PKM: variants seen among roughly 807,000 people sequenced by gnomAD.
The protein encoded by PKM is pyruvate kinase M1/2.
PKM carries 18 observed loss-of-function variants against 49.8 expected under a neutral mutation model. The observed-to-expected ratio is 0.36, with a 90% CI of 0.25 to 0.54. The LOEUF (loss-of-function observed/expected upper bound fraction) is 0.54. Among genes scored for constraint, PKM ranks in the 20% least tolerant of loss-of-function variants. PKM has a pLI of 0.89. For synonymous variants in PKM, 239 were observed against 261.8 expected (o/e 0.91, Z 0.84); for missense variants, 508 against 713.8 (o/e 0.71, Z 3.28).
chr15:72,219,876 C>T (rs1486486393), intron 1 of PKM, among the ~76,000 whole-genome samples: 5 of 152,218 alleles, frequency 3.3e-5, no homozygotes, highest in Non-Finnish European at 5.9e-5. Flanking sequence ...ATTTTTGATA[C>T]ACATCCTGAT....
chr15:72,208,852 G>A lies in PKM; in HGVS notation c.605C>T (p.Ser202Phe), dbSNP rs141732747. ...GTTCACACCCTTCTTGCTGCCCAAG[G>A]AGCCACCATTTTCCACCTCCGTCAC... ...FLVTEVENGG[S>F]LGSKKGVNLP... Residue 202 changes from serine to phenylalanine, a missense_variant, in exon 6 of 11, where the codon TCC (serine) becomes TTC (phenylalanine). Transcript: ENST00000335181. 1.2e-6 allele frequency: 2 copies of A among 1,613,922 alleles called. No homozygotes were observed. Among genetic ancestry groups the A allele is most frequent in the African/African-American group, 2.7e-5 (2 of 74,852 alleles).
chr15:72,206,925 T>C (rs1356084324), intron 7 of PKM, 45 bp from the exon 8 acceptor site: 5 of 1,608,664 alleles, frequency 3.1e-6, no homozygotes, highest in Middle Eastern at 1.7e-4. Context: ...TGAGCTGTCT[T>C]CAGAGACAAA....
Position 72,200,789 on chromosome 15 carries a change from G to A in PKM, c.1308-134C>T. 1 of 723,442 alleles carries A rather than the reference G, an allele frequency of 1.4e-6. No homozygotes were observed. The highest frequency in any genetic ancestry group is 2.3e-6 in the Non-Finnish European group (1 of 442,644). The allele number at this position is 723,442 out of a possible 1,614,324, so 44.8% of individuals were successfully genotyped here. On this transcript the variant is annotated intron_variant, in intron 9 of 10. Coordinates refer to ENST00000335181, the MANE Select transcript of PKM (RefSeq NM_002654.6). The surrounding 1 kb of genome is among the most constrained non-coding windows in gnomAD (Gnocchi z 4.6). Reference sequence around the variant, plus strand: ...GGCCTCTTCAACATCTGCTCCCTAGGACCCCTCCCGAGGCTCGGGCAGCCC... The same window carrying A: ...GGCCTCTTCAACATCTGCTCCCTAGAACCCCTCCCGAGGCTCGGGCAGCCC...
intron 6 of PKM, among the ~76,000 whole-genome samples, chr15:72,207,755 C>T (rs1239686185): frequency 1.3e-5 from 2 of 152,256 alleles, no homozygotes; most frequent in Non-Finnish European, 2.9e-5. Flanking sequence ...GGGAATGTGG[C>T]TTTGCCTGGC....
intron 3 of PKM, among the ~76,000 whole-genome samples, chr15:72,212,863 A>G (rs538737299): frequency 2.0e-5 from 3 of 152,270 alleles, no homozygotes; most frequent in South Asian, 4.1e-4. Context: ...CAAGGTCAGG[A>G]GATCGAGACC....
intron 1 of PKM, among the ~76,000 whole-genome samples, chr15:72,223,939 G>A (rs1407243850): frequency 6.6e-6 from 1 of 150,618 alleles, no homozygotes; most frequent in East Asian, 1.9e-4. Context: ...AAAAAATCTT[G>A]GCTCTTTTAT....
intron 1 of PKM, 135 bp from the exon 2 acceptor site, chr15:72,219,245 C>T: frequency 1.3e-6 from 1 of 764,190 alleles, no homozygotes; most frequent in East Asian, 2.5e-5. Context: ...GGAAGCCAGA[C>T]ATGATCTGGT....
At chr15:72,210,644 T>C (rs2082228694) in intron 3 of PKM, among the ~76,000 whole-genome samples, 166 bp from the exon 4 acceptor site, 1 of 152,164 alleles carries the variant, frequency 6.6e-6, no homozygotes, top group Non-Finnish European at 1.5e-5. Context: ...CTCTACCTGC[T>C]TAATCCAACC....
chr15:72,209,957 C>G, intron 4 of PKM, 98 bp from the exon 5 acceptor site: 3 of 974,706 alleles, frequency 3.1e-6, no homozygotes, highest in East Asian at 4.8e-5. Context: ...GGGAACAATG[C>G]TCAAGTCACT....
chr15:72,213,008 G>A (rs182948528), intron 3 of PKM, among the ~76,000 whole-genome samples: 11 of 151,902 alleles, frequency 7.2e-5, no homozygotes, highest in Admixed American at 5.9e-4. Context: ...CCGGAAGGCA[G>A]AGGTTGCAGT....
At chr15:72,231,070 C>T in intron 1 of PKM, 46 bp downstream of exon 1, 2 of 712,622 alleles carry the variant, frequency 2.8e-6, no homozygotes, top group Non-Finnish European at 4.3e-6. Context: ...AGCCGGGCGA[C>T]TGGCCCTTGG....
chr15:72,220,986 C>T (rs2140763471), intron 1 of PKM, among the ~76,000 whole-genome samples: 2 of 152,340 alleles, frequency 1.3e-5, no homozygotes, highest in South Asian at 4.1e-4. Flanking sequence ...AAAGGCTTTG[C>T]TGTGGCCTCC....
Position 72,210,464 on chromosome 15 carries a change from G to T in PKM, c.261C>A (p.Thr87=). The change falls in exon 4 of 11, where the codon ACC becomes ACA. Residue 87 remains threonine, a synonymous_variant. Transcript: ENST00000335181. ...SHGTHEYHAE[T]IKNVRTATES... is the part of the protein sequence containing the mutation. Reference sequence around the variant, plus strand: ...CCGTGGCTGTGCGCACATTCTTGATGGTCTCCGCATGGTACTGGGGGAAAA... The same window carrying T: ...CCGTGGCTGTGCGCACATTCTTGATTGTCTCCGCATGGTACTGGGGGAAAA... 6.2e-7 allele frequency: 1 copy of T among 1,614,138 alleles called. No homozygotes were observed. The highest frequency in any genetic ancestry group is 8.5e-7 in the Non-Finnish European group (1 of 1,180,004).
chr15:72,209,139 G>A (rs1336969529), intron 5 of PKM, among the ~76,000 whole-genome samples: 1 of 152,064 alleles, frequency 6.6e-6, no homozygotes, highest in African/African-American at 2.4e-5. Context: ...GGCCAAGGCA[G>A]GCAGATCACC....
intron 5 of PKM, chr15:72,209,396 AATATATATATATATATATATATAT>A (rs1182751717): frequency 7.6e-5 from 6 of 78,994 alleles, no homozygotes; most frequent in South Asian, 4.0e-4. Flanking sequence ...CAGCGAAACA[AATATATATATATATATATATATAT>A]ATATATATAT....
At chr15:72,221,842 T>G (rs2082533292) in intron 1 of PKM, among the ~76,000 whole-genome samples, 2 of 151,180 alleles carry the variant, frequency 1.3e-5, no homozygotes, top group Non-Finnish European at 2.9e-5. Context: ...GATACAAGTC[T>G]TAGGCCCTAC....
chr15:72,206,704 G>T, intron 8 of PKM, 24 bp downstream of exon 8: 2 of 1,610,504 alleles, frequency 1.2e-6, no homozygotes, highest in Non-Finnish European at 1.7e-6. Context: ...AGCCCTGGGG[G>T]ATGGGGCAGG....
At position 72,202,269 on chromosome 15, in the gene PKM, C is replaced by T. The variant is rs1596719321; in HGVS notation, c.1307+185G>A. ...TTCTGACATTCCTTATGAGTGCTAC[C>T]TAGAGTCCTTTGGGCCCAGGGAAGG... On this transcript the variant is annotated intron_variant, in intron 9 of 10. Transcript: ENST00000335181. The surrounding 1 kb of genome is among the most constrained non-coding windows in gnomAD (Gnocchi z 4.5). 1.6e-6 allele frequency: 1 copy of T among 641,274 alleles called. No individual in the cohort carries two copies. The highest frequency in any genetic ancestry group is 1.8e-5 in the South Asian group (1 of 55,920). 39.7% of individuals were successfully genotyped at this position (641,274 alleles called of 1,614,324 possible).
intron 1 of PKM, among the ~76,000 whole-genome samples, chr15:72,225,573 G>A (rs1686651253): frequency 6.6e-6 from 1 of 152,110 alleles, no homozygotes; most frequent in South Asian, 2.1e-4. Context: ...TGTCTATACT[G>A]AACCCTATAA....
Sources: gnomAD v4.1 joint callset for allele counts (sites outside exome capture counted in the v4.1 genomes callset) on GRCh38, gnomAD v4.1.1 for gene constraint, Gnocchi (gnomAD v3.1) non-coding constraint, MANE v1.5 for transcripts, NCBI Gene and HGNC (gene_info 2026-07-23, HGNC 2026-07-21) for gene names.